The following FRMD4B variants were observed in gnomAD, a reference collection of about 807,000 sequenced individuals.
FRMD4B encodes the protein FERM domain containing 4B.
Under a neutral mutation model 141.5 loss-of-function variants are expected in FRMD4B, and 74 were observed. The ratio of observed to expected loss-of-function variants is 0.52; its 90% confidence interval spans 0.43 to 0.63. The LOEUF (loss-of-function observed/expected upper bound fraction) is 0.63. FRMD4B is among the 30% of genes least tolerant of loss of function. The probability of loss-of-function intolerance (pLI) is 0.00; values close to 1 mark genes in which losing one functional copy is unlikely to be tolerated. For synonymous variants in FRMD4B, 506 were observed against 467.9 expected (o/e 1.08, Z -1.05); for missense variants, 1,366 against 1,253.4 (o/e 1.09, Z -1.36).
chr3:69,229,576 G>A (rs898518581), intron 7 of FRMD4B, among the ~76,000 whole-genome samples: 7 of 152,302 alleles, frequency 4.6e-5, no homozygotes, highest in Non-Finnish European at 8.8e-5. Flanking sequence ...ATCGAAAGAC[G>A]ACTGACACAG....
intron 1 of FRMD4B, among the ~76,000 whole-genome samples, chr3:69,484,420 TC>T (rs1706180838): frequency 1.3e-5 from 2 of 152,326 alleles, no homozygotes; most frequent in African/African-American, 4.8e-5. Context: ...GCCAGAAACC[TC>T]TGTGGCCTTT....
At chr3:69,525,948 C>T (rs1192552579) in intron 1 of FRMD4B, among the ~76,000 whole-genome samples, 1 of 152,086 alleles carries the variant, frequency 6.6e-6, no homozygotes, top group Non-Finnish European at 1.5e-5. Context: ...TGTGAGCCAC[C>T]ATGCTCGGCC....
chr3:69,183,435 G>C (rs1401951572), intron 19 of FRMD4B, among the ~76,000 whole-genome samples: 1 of 146,618 alleles, frequency 6.8e-6, no homozygotes, highest in Non-Finnish European at 1.5e-5. Flanking sequence ...AAGTCACTAT[G>C]TCTACTTCCC....
intron 1 of FRMD4B, among the ~76,000 whole-genome samples, chr3:69,515,302 C>T (rs1056967363): frequency 5.3e-5 from 8 of 152,156 alleles, no homozygotes; most frequent in Admixed American, 1.3e-4. Context: ...CCACCTCCTA[C>T]GTCGGGGATT....
In FRMD4B at chr3:69,451,780, A is replaced by T. The variant is rs149808519; in HGVS notation, c.-128-19019T>A. On this transcript the variant is annotated intron_variant, in intron 1 of 5. Coordinates refer to the FRMD4B transcript ENST00000459638. ...TGAAAAAATTATGCCAAGATAATTT[A>T]AAAAAACACCAGTCCCAGCTCTGTA... 4.0e-3 allele frequency among the ~76,000 whole-genome samples: 608 copies of T among 152,296 alleles called. 4 individuals are homozygous for T. Among genetic ancestry groups the T allele is most frequent in the African/African-American group, 0.014 (586 of 41,562 alleles).
At chr3:69,442,068 C>T (rs1360844396) in intron 1 of FRMD4B, among the ~76,000 whole-genome samples, 2 of 151,744 alleles carry the variant, frequency 1.3e-5, no homozygotes, top group Non-Finnish European at 2.9e-5. Flanking sequence ...TCAGATTACA[C>T]AATCTGAATG....
chr3:69,481,742 A>G (rs1373019071), intron 1 of FRMD4B, among the ~76,000 whole-genome samples: 3 of 152,090 alleles, frequency 2.0e-5, no homozygotes, highest in Admixed American at 6.5e-5. Flanking sequence ...GAAAATCTCA[A>G]TCTTTAGGGC....
At chr3:69,529,977 C>A (rs1318499177) in intron 1 of FRMD4B, among the ~76,000 whole-genome samples, 1 of 152,174 alleles carries the variant, frequency 6.6e-6, no homozygotes, top group East Asian at 1.9e-4. Flanking sequence ...TTTAGAATAC[C>A]CTGATTGGTC....
chr3:69,181,077 G>T lies in FRMD4B; in HGVS notation c.2673C>A (p.His891Gln), dbSNP rs764522166. ...AKSEHITKNI[H>Q]KALVAEHLRG... ...GCAAGTGCTCGGCAACTAAGGCCTTGTGGATGTTTTTGGTGATGTGCTCCG... is the reference window on the plus strand; with the variant it reads ...GCAAGTGCTCGGCAACTAAGGCCTTTTGGATGTTTTTGGTGATGTGCTCCG... The change falls in exon 21 of 23, where the codon CAC (histidine) becomes CAA (glutamine). Residue 891 changes from histidine (H) to glutamine (Q), a missense_variant. By Grantham distance (24) the His-to-Gln change is conservative (BLOSUM62 0). Coordinates refer to ENST00000398540, the MANE Select transcript of FRMD4B (RefSeq NM_015123.3). 6.2e-6 allele frequency: 10 copies of T among 1,614,006 alleles called. No individual in the cohort carries two copies. In the South Asian group the frequency reaches 9.9e-5, roughly 16 times the overall value.
intron 1 of FRMD4B, among the ~76,000 whole-genome samples, chr3:69,323,437 C>A (rs58069160): frequency 6.6e-6 from 1 of 151,292 alleles, no homozygotes; most frequent in South Asian, 2.1e-4. Flanking sequence ...GGCATGGTAG[C>A]GCATGCTGTA....
At chr3:69,304,071 T>C (rs1006355162) in intron 3 of FRMD4B, among the ~76,000 whole-genome samples, 3 of 150,438 alleles carry the variant, frequency 2.0e-5, no homozygotes, top group African/African-American at 4.9e-5. Context: ...GTTGGGAGGA[T>C]TGGCTAAAGT....
chr3:69,287,301 G>A (rs780459999), intron 5 of FRMD4B, among the ~76,000 whole-genome samples: 2 of 152,256 alleles, frequency 1.3e-5, no homozygotes, highest in Non-Finnish European at 2.9e-5. Context: ...GCTGTGAGCA[G>A]CTTTCCTTGC....
chr3:69,283,091 A>G (rs1035469505), intron 5 of FRMD4B, among the ~76,000 whole-genome samples: 2 of 152,104 alleles, frequency 1.3e-5, no homozygotes, highest in Non-Finnish European at 2.9e-5. Flanking sequence ...CCATTTAGAA[A>G]GGAGCTCCCA....
intron 1 of FRMD4B, among the ~76,000 whole-genome samples, chr3:69,373,643 T>A (rs1575773115): frequency 6.6e-6 from 1 of 151,792 alleles, no homozygotes; most frequent in African/African-American, 2.4e-5. Flanking sequence ...GAGGCTGAGG[T>A]GGGAGGATTG....
chr3:69,402,722 A>G (rs2072443661), intron 2 of FRMD4B, among the ~76,000 whole-genome samples: 1 of 152,226 alleles, frequency 6.6e-6, no homozygotes, highest in South Asian at 2.1e-4. Context: ...TAAATAAGCA[A>G]CCCAGATTAT....
chr3:69,268,630 G>A (rs1022825152), intron 5 of FRMD4B, among the ~76,000 whole-genome samples: 5 of 151,922 alleles, frequency 3.3e-5, no homozygotes, highest in African/African-American at 1.2e-4. Context: ...GTGCTTAAAA[G>A]ATAATCAAGG....
chr3:69,177,589 A>G (rs2092660801), intron 21 of FRMD4B, among the ~76,000 whole-genome samples: 1 of 152,172 alleles, frequency 6.6e-6, no homozygotes, highest in Non-Finnish European at 1.5e-5. Flanking sequence ...AGTCAAGGCT[A>G]CAGTGAGCCA....
intron 7 of FRMD4B, among the ~76,000 whole-genome samples, chr3:69,225,970 T>C (rs1256730252): frequency 6.6e-6 from 1 of 152,080 alleles, no homozygotes; most frequent in Non-Finnish European, 1.5e-5. Flanking sequence ...GGCTCCCAAG[T>C]GCCAGATACC....
intron 1 of FRMD4B, among the ~76,000 whole-genome samples, chr3:69,499,744 G>A (rs1274377459): frequency 3.3e-5 from 5 of 152,270 alleles, no homozygotes; most frequent in African/African-American, 1.2e-4. Context: ...TTTGAATTCA[G>A]ACTCATCTGC....
Sources: gnomAD v4.1 joint callset for allele counts (sites outside exome capture counted in the v4.1 genomes callset) on GRCh38, gnomAD v4.1.1 for gene constraint, MANE v1.5 for transcripts, NCBI Gene and HGNC (gene_info 2026-07-23, HGNC 2026-07-21) for gene names.